The following CSMD1 variants were observed in gnomAD, a reference collection of about 807,000 sequenced individuals.
CSMD1 encodes CUB and sushi domain-containing protein 1.
Under a neutral mutation model 417.5 loss-of-function variants are expected in CSMD1, and 213 were observed. That is an observed-to-expected ratio of 0.51 (90% CI 0.46 to 0.57). The LOEUF (loss-of-function observed/expected upper bound fraction) is 0.57, where lower values mean the gene tolerates loss of function less well. Ranked by LOEUF, CSMD1 falls within the 20% of genes least tolerant of loss-of-function variation. The pLI is 0.00. For synonymous variants in CSMD1, 2,862 were observed against 1,736.8 expected (o/e 1.65, Z -16.11); for missense variants, 6,923 against 4,529.7 (o/e 1.53, Z -15.17).
intron 7 of CSMD1, among the ~76,000 whole-genome samples, chr8:3,657,458 A>G (rs768864002): frequency 2.6e-5 from 4 of 152,298 alleles, no homozygotes; most frequent in African/African-American, 4.8e-5. Flanking sequence ...ATGCCCATCA[A>G]TGATAGACTG....
intron 5 of CSMD1, among the ~76,000 whole-genome samples, chr8:3,882,133 T>C (rs1265027295): frequency 1.3e-5 from 2 of 152,172 alleles, no homozygotes; most frequent in African/African-American, 4.8e-5. Context: ...GAAAAAATCA[T>C]CACAATTGGC....
intron 3 of CSMD1, among the ~76,000 whole-genome samples, chr8:4,314,997 G>C (rs894599714): frequency 6.6e-6 from 1 of 152,086 alleles, no homozygotes; most frequent in Non-Finnish European, 1.5e-5. Flanking sequence ...TAATAGTACT[G>C]ACAGCCCCAG....
At chr8:3,427,732 A>ATTTAAT (rs1331615750) in intron 12 of CSMD1, among the ~76,000 whole-genome samples, 1 of 152,206 alleles carries the variant, frequency 6.6e-6, no homozygotes, top group East Asian at 1.9e-4. Flanking sequence ...AAAAGTAACT[A>ATTTAAT]TTTAATTTAA....
chr8:4,257,894 C>T (rs946045386), intron 3 of CSMD1, among the ~76,000 whole-genome samples: 33 of 152,160 alleles, frequency 2.2e-4, no homozygotes, highest in African/African-American at 8.0e-4. Context: ...TCTGTTGTGA[C>T]CAGGCTAACA....
chr8:4,011,399 C>T (rs183721221), intron 4 of CSMD1, among the ~76,000 whole-genome samples: 114 of 152,288 alleles, frequency 7.5e-4, no homozygotes, highest in African/African-American at 2.7e-3. Flanking sequence ...TCCACATTCC[C>T]CTCTAGCCTT....
intron 6 of CSMD1, among the ~76,000 whole-genome samples, chr8:3,721,367 T>C (rs1802164525): frequency 6.6e-6 from 1 of 152,110 alleles, no homozygotes; most frequent in African/African-American, 2.4e-5. Flanking sequence ...TGAAAGTGAA[T>C]CATCAACGTC....
At chr8:4,829,082 G>A (rs937292737) in intron 1 of CSMD1, among the ~76,000 whole-genome samples, 3 of 152,084 alleles carry the variant, frequency 2.0e-5, no homozygotes, top group African/African-American at 4.8e-5. Context: ...CTAACATTTT[G>A]CATTTAACAA....
Position 4,806,006 on chromosome 8 carries a change from G to A in CSMD1, c.86-168448C>T, listed in dbSNP as rs181017392. ...TTCTCACACAAACTAAATACTCAAAGAATTATCTGAGTCCTCCCATGAAAC... is the reference window on the plus strand; with the variant it reads ...TTCTCACACAAACTAAATACTCAAAAAATTATCTGAGTCCTCCCATGAAAC... On this transcript the variant is annotated intron_variant, in intron 1 of 69. Coordinates refer to ENST00000635120, the MANE Select transcript of CSMD1 (RefSeq NM_033225.6). Among the ~76,000 whole-genome samples, 6 of 152,224 alleles carry A rather than the reference G, an allele frequency of 3.9e-5. No homozygotes were observed. In the East Asian group the frequency reaches 9.7e-4, roughly 24 times the overall value.
chr8:3,003,556 T>A lies in CSMD1; in HGVS notation c.8030-3425A>T, dbSNP rs571722857. 5.9e-5 allele frequency among the ~76,000 whole-genome samples: 9 copies of A among 152,352 alleles called. No individual in the cohort carries two copies. In the South Asian group the frequency reaches 1.7e-3, roughly 28 times the overall value. On this transcript the variant is annotated intron_variant, in intron 52 of 69. Coordinates refer to ENST00000635120, the MANE Select transcript of CSMD1 (RefSeq NM_033225.6). ...CATTGTCTCCTATGTCACCTTCATG[T>A]ATTTGACAATAATTCATTTATTTGA...
rs572730513 is a variant in CSMD1 at position 4,669,778 on chromosome 8, AT to A, written c.86-32221del. Among the ~76,000 whole-genome samples, 231 of 152,202 alleles carry A rather than the reference AT, an allele frequency of 1.5e-3. 1 individual carries two copies. The highest frequency in any genetic ancestry group is 5.4e-3 in the African/African-American group (223 of 41,522). ...GTCAGAGGTAGGGGGTACTGCAAATATTTTTCTAGAAGGAGAATGATTTAAG... is the reference window on the plus strand; with the variant it reads ...GTCAGAGGTAGGGGGTACTGCAAATATTTTCTAGAAGGAGAATGATTTAAG... On this transcript the variant is annotated intron_variant, in intron 1 of 69. Coordinates refer to ENST00000635120, the MANE Select transcript of CSMD1 (RefSeq NM_033225.6).
At chr8:4,332,729 T>C (rs1286985157) in intron 3 of CSMD1, among the ~76,000 whole-genome samples, 1 of 151,988 alleles carries the variant, frequency 6.6e-6, no homozygotes, top group Non-Finnish European at 1.5e-5. Flanking sequence ...TTTTTCAGTG[T>C]GAGTTACCAT....
At chr8:4,072,473 G>T (rs1160399203) in intron 3 of CSMD1, among the ~76,000 whole-genome samples, 1 of 152,086 alleles carries the variant, frequency 6.6e-6, no homozygotes, top group East Asian at 1.9e-4. Context: ...TTTCGCACTT[G>T]TAGTGAAGGG....
chr8:4,122,589 C>T (rs139852534), intron 3 of CSMD1, among the ~76,000 whole-genome samples: 3 of 152,276 alleles, frequency 2.0e-5, no homozygotes, highest in African/African-American at 7.2e-5. Context: ...GCATGCCCTA[C>T]AAAATTAGGG....
chr8:4,646,575 C>T (rs957995902), intron 1 of CSMD1, among the ~76,000 whole-genome samples: 1 of 152,174 alleles, frequency 6.6e-6, no homozygotes, highest in African/African-American at 2.4e-5. Context: ...CCTGGGTGTT[C>T]GCATATACAA....
At chr8:3,657,758 T>C (rs986910090) in intron 7 of CSMD1, among the ~76,000 whole-genome samples, 6 of 152,118 alleles carry the variant, frequency 3.9e-5, no homozygotes, top group Admixed American at 2.6e-4. Flanking sequence ...GATGGGTTGA[T>C]GGGCACAGCA....
At chr8:3,962,740 G>T (rs1156292715) in intron 5 of CSMD1, among the ~76,000 whole-genome samples, 5 of 152,068 alleles carry the variant, frequency 3.3e-5, no homozygotes, top group African/African-American at 1.2e-4. Context: ...TGGACTCAAG[G>T]CTGGACACTC....
chr8:4,873,274 A>G (rs1340961868), intron 1 of CSMD1, among the ~76,000 whole-genome samples: 2 of 152,106 alleles, frequency 1.3e-5, no homozygotes, highest in African/African-American at 4.8e-5. Flanking sequence ...AATCTCTTAA[A>G]AACTATCTAA....
intron 3 of CSMD1, among the ~76,000 whole-genome samples, chr8:4,236,040 T>TTGTTTTTTTTTG (rs1802033044): frequency 3.5e-5 from 1 of 28,702 alleles, no homozygotes. Flanking sequence ...TTTTTGTTTG[T>TTGTTTTTTTTTG]TTTTTTTTTT....
chr8:4,863,792 G>A (rs1802271147), intron 1 of CSMD1, among the ~76,000 whole-genome samples: 2 of 151,872 alleles, frequency 1.3e-5, no homozygotes, highest in African/African-American at 4.8e-5. Flanking sequence ...TTTACTTGGA[G>A]TACATTTGAA....
Sources: allele counts gnomAD v4.1 joint callset (sites outside exome capture counted in the v4.1 genomes callset), GRCh38; gene constraint gnomAD v4.1.1; transcripts MANE v1.5; gene names NCBI Gene and HGNC (gene_info 2026-07-23, HGNC 2026-07-21).